The following SOX11 variants were observed in gnomAD, a reference collection of about 807,000 sequenced individuals.
The protein encoded by SOX11 is transcription factor SOX-11.
Under a neutral mutation model 16.7 loss-of-function variants are expected in SOX11, and 5 were observed. The observed-to-expected ratio is 0.30, with a 90% confidence interval of 0.16 to 0.63. The LOEUF is 0.63. SOX11 is among the 20% of genes least tolerant of loss of function. The pLI, the probability that SOX11 is intolerant of heterozygous loss-of-function variation, is 0.82. For missense variants in SOX11, 492 were observed against 641.5 expected (o/e 0.77, Z 2.52); for synonymous variants, 363 against 298.8 (o/e 1.21, Z -2.22).
Position 5,699,269 on chromosome 2 carries a change from G to A in SOX11, c.*5222G>A, listed in dbSNP as rs1393817136. ...TAGATAAGAAACTTTCTTTATTACAGTTTCAGGGAAGATTTTTTCAGGATA... is the reference window on the plus strand; with the variant it reads ...TAGATAAGAAACTTTCTTTATTACAATTTCAGGGAAGATTTTTTCAGGATA... On this transcript the variant is annotated 3_prime_UTR_variant, in exon 1 of 1. Coordinates refer to ENST00000322002, the MANE Select transcript of SOX11 (RefSeq NM_003108.4). 6.0e-6 allele frequency: 1 copy of A among 166,844 alleles called. No individual in the cohort carries two copies. Among genetic ancestry groups the A allele is most frequent in the African/African-American group, 2.4e-5 (1 of 41,450 alleles). 10.3% of individuals were successfully genotyped at this position (166,844 alleles called of 1,614,324 possible).
Position 5,700,179 on chromosome 2 carries a change from A to G in SOX11, c.*6132A>G. On this transcript the variant is annotated 3_prime_UTR_variant, in exon 1 of 1. Coordinates refer to ENST00000322002, the MANE Select transcript of SOX11 (RefSeq NM_003108.4). ...AGTTGAGATGTGGTTTCCAATGAGC[A>G]ATTGGTGAATTTAAGCAACCTGGAT... 1 of 167,212 alleles carries G rather than the reference A, an allele frequency of 6.0e-6. No individual in the cohort carries two copies. The allele number at this position is 167,212 out of a possible 1,614,324, so 10.4% of individuals were successfully genotyped here.
rs1447531853 is a variant in SOX11 at position 5,700,220 on chromosome 2, C to T, written c.*6173C>T. On this transcript the variant is annotated 3_prime_UTR_variant, in exon 1 of 1. Coordinates refer to ENST00000322002, the MANE Select transcript of SOX11 (RefSeq NM_003108.4). ...CAACCTGGATGTGCATATGTGGAGG[C>T]TCCCGTCTCACTGTTTGATCAAACT... 2 of 167,018 alleles carry T rather than the reference C, an allele frequency of 1.2e-5. No homozygotes were observed. The highest frequency in any genetic ancestry group is 1.3e-4 in the Admixed American group (2 of 15,272). The allele number at this position is 167,018 out of a possible 1,614,324, so 10.3% of individuals were successfully genotyped here.
Position 5,692,537 on chromosome 2 carries a change from G to C in SOX11, c.-185G>C, listed in dbSNP as rs534570444. ...TCCCACCGCGCCGGCGGCCGTCGTCGCCGAAGCCACCACAGCCGCTGTGTG... is the reference window on the plus strand; with the variant it reads ...TCCCACCGCGCCGGCGGCCGTCGTCCCCGAAGCCACCACAGCCGCTGTGTG... On this transcript the variant is annotated 5_prime_UTR_variant, in exon 1 of 1. Coordinates refer to ENST00000322002, the MANE Select transcript of SOX11 (RefSeq NM_003108.4). The C allele has an allele frequency of 3.8e-5, 18 of 475,100 alleles. 1 individual carries two copies. The South Asian group carries it at 8.2e-4, about 22-fold the overall frequency. 29.4% of individuals were successfully genotyped at this position (475,100 alleles called of 1,614,324 possible).
Position 5,699,421 on chromosome 2 carries a change from A to ATG in SOX11, c.*5375_*5376insGT, listed in dbSNP as rs1488945229. The ATG allele has an allele frequency of 6.0e-6, 1 of 167,064 alleles. No individual in the cohort carries two copies. The highest frequency in any genetic ancestry group is 2.4e-5 in the African/African-American group (1 of 41,462). The allele number at this position is 167,064 out of a possible 1,614,324, so 10.3% of individuals were successfully genotyped here. ...GAGCCTTACCTATCCTAACACAGGG[A>ATG]TTTACAAGTTCCCAAAGTAACCGTC... is the stretch of plus-strand genomic sequence containing the variant. On this transcript the variant is annotated 3_prime_UTR_variant, in exon 1 of 1. Coordinates refer to ENST00000322002, the MANE Select transcript of SOX11 (RefSeq NM_003108.4).
At position 5,693,362 on chromosome 2, in the gene SOX11, G is replaced by A. The variant is rs1438003053; in HGVS notation, c.641G>A (p.Gly214Asp). 1.3e-6 allele frequency: 2 copies of A among 1,591,432 alleles called. No homozygotes were observed. The highest frequency in any genetic ancestry group is 1.7e-5 in the Admixed American group (1 of 59,270). ...RVSGSGGGGAGKTVKCVFLDE... is the reference protein window; with the variant it reads ...RVSGSGGGGADKTVKCVFLDE... ...AGCGGCTCGGGCGGCGGCGGCGCGG[G>A]CAAGACGGTCAAGTGCGTGTTTCTG... is the stretch of plus-strand genomic sequence containing the variant. Residue 214 changes from glycine (G) to aspartate (D), a missense_variant, in exon 1 of 1, where the codon GGC becomes GAC. Coordinates refer to ENST00000322002, the MANE Select transcript of SOX11 (RefSeq NM_003108.4). This position sits in a 1 kb window ranked among gnomAD's most constrained non-coding sequence, Gnocchi z 8.6.
Position 5,693,144 on chromosome 2 carries a change from C to T in SOX11, c.423C>T (p.Ser141=), listed in dbSNP as rs1195806306. 1 of 1,602,862 alleles carries T rather than the reference C, an allele frequency of 6.2e-7. No individual in the cohort carries two copies. Among genetic ancestry groups the T allele is most frequent in the South Asian group, 1.1e-5 (1 of 90,440 alleles). The change falls in exon 1 of 1, where the codon AGC becomes AGT. Residue 141 remains serine, a synonymous_variant. Transcript: ENST00000322002. This position sits in a 1 kb window ranked among gnomAD's most constrained non-coding sequence, Gnocchi z 8.6. ...KPSASQSPEK[S]AAGGGGGSAG... ...GCGCCAGCCAGAGCCCAGAGAAGAG[C>T]GCGGCCGGCGGCGGCGGCGGGAGCG... is the stretch of plus-strand genomic sequence containing the variant.
In SOX11 at chr2:5,693,345, G is replaced by C. The variant is rs536767446; in HGVS notation, c.624G>C (p.Ser208=). The C allele has an allele frequency of 6.3e-7, 1 of 1,588,424 alleles. No individual in the cohort carries two copies. The change falls in exon 1 of 1, where the codon TCG becomes TCC. Residue 208 remains serine, a synonymous_variant. Transcript: ENST00000322002. The surrounding 1 kb of genome is among the most constrained non-coding windows in gnomAD (Gnocchi z 8.6). ...TGGGCAGCCTGCGCGTGAGCGGCTC[G>C]GGCGGCGGCGGCGCGGGCAAGACGG... ...YVLGSLRVSG[S]GGGGAGKTVK... is the part of the protein sequence containing the mutation.
At position 5,693,378 on chromosome 2, in the gene SOX11, C is replaced by G; in HGVS notation, c.657C>G (p.Cys219Trp). ...GGGGAGKTVK[C>W]VFLDEDDDDD... ...GCGGCGCGGGCAAGACGGTCAAGTG[C>G]GTGTTTCTGGATGAGGACGACGACG... Residue 219 changes from cysteine to tryptophan, a missense_variant, in exon 1 of 1, where the codon TGC becomes TGG. Around this residue, in one of 4 missense-constraint regions of SOX11, gnomAD observed 389 missense variants for 389.0 expected, o/e 1.00. Transcript: ENST00000322002. The surrounding 1 kb of genome is among the most constrained non-coding windows in gnomAD (Gnocchi z 8.6). 1 of 1,593,280 alleles carries G rather than the reference C, an allele frequency of 6.3e-7. No homozygotes were observed. The highest frequency in any genetic ancestry group is 8.5e-7 in the Non-Finnish European group (1 of 1,178,122).
In SOX11 at chr2:5,692,414, C is replaced by T. The variant is rs1020667746; in HGVS notation, c.-308C>T. Among the ~76,000 whole-genome samples, 5 of 152,038 alleles carry T rather than the reference C, an allele frequency of 3.3e-5. No homozygotes were observed. Among genetic ancestry groups the T allele is most frequent in the Admixed American group, 6.5e-5 (1 of 15,288 alleles). Reference sequence around the variant, plus strand: ...AGGAGCGCGCGCGCCTGGGAGAGCTCGGGGTCCGGCGCTTGCGGTAGGAGC... The same window carrying T: ...AGGAGCGCGCGCGCCTGGGAGAGCTTGGGGTCCGGCGCTTGCGGTAGGAGC... On this transcript the variant is annotated 5_prime_UTR_variant, in exon 1 of 1. Transcript: ENST00000322002.
chr2:5,692,519 G>T lies in SOX11; in HGVS notation c.-203G>T. The T allele has an allele frequency of 2.2e-6, 1 of 457,282 alleles. No homozygotes were observed. The highest frequency in any genetic ancestry group is 3.7e-6 in the Non-Finnish European group (1 of 267,668). 28.3% of individuals were successfully genotyped at this position (457,282 alleles called of 1,614,324 possible). ...TCCTGTCGCGACCGCAGCTCCCACC[G>T]CGCCGGCGGCCGTCGTCGCCGAAGC... On this transcript the variant is annotated 5_prime_UTR_variant, in exon 1 of 1. Coordinates refer to ENST00000322002, the MANE Select transcript of SOX11 (RefSeq NM_003108.4).
rs566003557 is a variant in SOX11, at chr2:5,698,649, T to C, written c.*4602T>C. On this transcript the variant is annotated 3_prime_UTR_variant, in exon 1 of 1. Coordinates refer to ENST00000322002, the MANE Select transcript of SOX11 (RefSeq NM_003108.4). ...TGACTACAGACACTGGGCAAATTAT[T>C]TGTAGAATGATTATCCTTTAGCTAG... The C allele has an allele frequency of 1.8e-5, 3 of 167,258 alleles. No individual in the cohort carries two copies. The highest frequency in any genetic ancestry group is 7.2e-5 in the African/African-American group (3 of 41,596). The allele number at this position is 167,258 out of a possible 1,614,324, so 10.4% of individuals were successfully genotyped here.
In SOX11 at chr2:5,696,339, G is replaced by T; in HGVS notation, c.*2292G>T. Reference sequence around the variant, plus strand: ...GTCCCCCGGGGCCGTGGAGCTGTCGGAGGGAAGGAGGACGGTGCGGGGCCG... The same window carrying T: ...GTCCCCCGGGGCCGTGGAGCTGTCGTAGGGAAGGAGGACGGTGCGGGGCCG... On this transcript the variant is annotated 3_prime_UTR_variant, in exon 1 of 1. Coordinates refer to ENST00000322002, the MANE Select transcript of SOX11 (RefSeq NM_003108.4). The T allele has an allele frequency of 5.9e-6, 1 of 168,128 alleles. No homozygotes were observed. The highest frequency in any genetic ancestry group is 1.9e-4 in the South Asian group (1 of 5,170). 10.4% of individuals were successfully genotyped at this position (168,128 alleles called of 1,614,324 possible).
In SOX11 at chr2:5,701,068, C is replaced by T. The variant is rs1032960543; in HGVS notation, c.*7021C>T. ...GGAAAGAAAATGCATGGCAAAGTTT[C>T]GTCTTCTCGTAGACTATCTAGCATG... On this transcript the variant is annotated 3_prime_UTR_variant, in exon 1 of 1. Coordinates refer to ENST00000322002, the MANE Select transcript of SOX11 (RefSeq NM_003108.4). The T allele has an allele frequency of 4.2e-5, 7 of 166,888 alleles. No individual in the cohort carries two copies. The highest frequency in any genetic ancestry group is 4.2e-4 in the South Asian group (2 of 4,814). The allele number at this position is 166,888 out of a possible 1,614,324, so 10.3% of individuals were successfully genotyped here. A position where few individuals can be genotyped will look rare whatever the true frequency, so the allele number is the denominator to read the frequency against.
rs1665701719 is a variant in SOX11, at chr2:5,694,798, CTG to C, written c.*754_*755del. On this transcript the variant is annotated 3_prime_UTR_variant, in exon 1 of 1. Transcript: ENST00000322002. ...GTACAAACGCTTACAAAAAAAAAAA[CTG>C]TGAACTGACTTAAGATCAGAGTTTA... 1.4e-5 allele frequency: 2 copies of C among 142,004 alleles called. No homozygotes were observed. The highest frequency in any genetic ancestry group is 8.6e-5 in the Admixed American group (1 of 11,612). The allele number at this position is 142,004 out of a possible 1,614,324, so 8.8% of individuals were successfully genotyped here.
Position 5,701,195 on chromosome 2 carries a change from T to C in SOX11, c.*7148T>C, listed in dbSNP as rs1306954583. On this transcript the variant is annotated 3_prime_UTR_variant, in exon 1 of 1. Transcript: ENST00000322002. ...TATGTATTTTTTTGTAAAAACCTGA[T>C]CACATAGAGAATATCAGTGGCTTGT... 1 of 167,032 alleles carries C rather than the reference T, an allele frequency of 6.0e-6. No individual in the cohort carries two copies. Among genetic ancestry groups the C allele is most frequent in the Non-Finnish European group, 1.5e-5 (1 of 68,108 alleles). 10.3% of individuals were successfully genotyped at this position (167,032 alleles called of 1,614,324 possible). A position where few individuals can be genotyped will look rare whatever the true frequency, so the allele number is the denominator to read the frequency against.
rs66465560 is a variant in SOX11, at chr2:5,699,679, T to C, written c.*5632T>C. 0.18 allele frequency: 29,658 copies of C among 164,116 alleles called. 2,982 individuals are homozygous for C. The highest frequency in any genetic ancestry group is 0.29 in the Admixed American group (4,461 of 15,136). 10.2% of individuals were successfully genotyped at this position (164,116 alleles called of 1,614,324 possible). ...AAAGATGAAACAAAATTTATGAAAC[T>C]GAGCTCTCTTCCATTTTACTTACTG... On this transcript the variant is annotated 3_prime_UTR_variant, in exon 1 of 1. Transcript: ENST00000322002.
chr2:5,692,826 C>G lies in SOX11; in HGVS notation c.105C>G (p.Asp35Glu), dbSNP rs752503007. The stretch of plus-strand genomic sequence containing the variant: ...TGGCTTGCAGCCCGGTGGCCCTGGA[C>G]GAGAGCGACCCAGACTGGTGCAAGA... Reference protein sequence around the residue: ...EFMACSPVALDESDPDWCKTA... With the variant: ...EFMACSPVALEESDPDWCKTA... Residue 35 changes from aspartate (D) to glutamate (E), a missense_variant, in exon 1 of 1, where the codon GAC becomes GAG. By Grantham distance (45) the Asp-to-Glu change is conservative (BLOSUM62 2). Transcript: ENST00000322002. 2 of 1,613,290 alleles carry G rather than the reference C, an allele frequency of 1.2e-6. No homozygotes were observed. The highest frequency in any genetic ancestry group is 1.7e-6 in the Non-Finnish European group (2 of 1,179,684).
Position 5,693,277 on chromosome 2 carries a change from G to T in SOX11, c.556G>T (p.Ala186Ser), listed in dbSNP as rs1665668616. The T allele has an allele frequency of 2.1e-6, 3 of 1,448,488 alleles. No homozygotes were observed. The highest frequency in any genetic ancestry group is 2.7e-6 in the Non-Finnish European group (3 of 1,108,310). The allele number at this position is 1,448,488 out of a possible 1,614,324, so 89.7% of individuals were successfully genotyped here. The stretch of plus-strand genomic sequence containing the variant: ...CGCCAAGGCGGGCGCGGGCAAGGCG[G>T]CCCAGTCCGGGGACTACGGGGGCGC... ...AGAKAGAGKA[A>S]QSGDYGGAGD... The change falls in exon 1 of 1, where the codon GCC (alanine) becomes TCC (serine). Residue 186 changes from alanine (A) to serine (S), a missense_variant. Ala to Ser is a moderately conservative substitution (Grantham distance 99). This residue lies in a region of SOX11 where 389 missense variants were observed against 389.0 expected (regional missense o/e 1.00). Transcript: ENST00000322002. The surrounding 1 kb of genome is among the most constrained non-coding windows in gnomAD (Gnocchi z 8.6).
rs1356565874 is a variant in SOX11 at position 5,697,517 on chromosome 2, C to T, written c.*3470C>T. 1 of 165,756 alleles carries T rather than the reference C, an allele frequency of 6.0e-6. No homozygotes were observed. The highest frequency in any genetic ancestry group is 1.5e-5 in the Non-Finnish European group (1 of 67,954). The allele number at this position is 165,756 out of a possible 1,614,324, so 10.3% of individuals were successfully genotyped here. A position where few individuals can be genotyped will look rare whatever the true frequency, so the allele number is the denominator to read the frequency against. ...CCAGCCTCCCGCTCTGGGCGAGCCT[C>T]CTCCCCAGCCCCCACCCCTGGGATG... On this transcript the variant is annotated 3_prime_UTR_variant, in exon 1 of 1. Coordinates refer to ENST00000322002, the MANE Select transcript of SOX11 (RefSeq NM_003108.4).
Sources: allele counts gnomAD v4.1 joint callset (sites outside exome capture counted in the v4.1 genomes callset), GRCh38; gene constraint gnomAD v4.1.1; regional missense constraint gnomAD v4.1.1; non-coding constraint Gnocchi (gnomAD v3.1); transcripts MANE v1.5; gene names NCBI Gene and HGNC (gene_info 2026-07-23, HGNC 2026-07-21).